SLC23A2: variants seen among roughly 807,000 people sequenced by gnomAD.
SLC23A2 encodes the protein Na(+)/L-ascorbic acid transporter 2.
In SLC23A2, 36 loss-of-function variants were observed where a neutral mutation model predicts 73.3. That is an observed-to-expected ratio of 0.49 (90% CI 0.38 to 0.65). The LOEUF (loss-of-function observed/expected upper bound fraction) is 0.65, where lower values mean the gene tolerates loss of function less well. SLC23A2 is among the 30% of genes least tolerant of loss of function. The pLI is 0.00. For synonymous variants in SLC23A2, 343 were observed against 327.3 expected, an observed-to-expected ratio of 1.05 and a Z score of -0.52; for missense variants, 507 against 841.6, an observed-to-expected ratio of 0.60 and a Z score of 4.92.
At chr20:4,941,372 T>A (rs1476828878) in intron 2 of SLC23A2, among the ~76,000 whole-genome samples, 4 of 151,996 alleles carry the variant, frequency 2.6e-5, no homozygotes, top group Non-Finnish European at 5.9e-5. Flanking sequence ...CTACAAAAAA[T>A]GAAATTTTTT....
At chr20:4,875,593 T>C (rs774607778) in intron 9 of SLC23A2, among the ~76,000 whole-genome samples, 14 of 152,090 alleles carry the variant, frequency 9.2e-5, no homozygotes, top group Non-Finnish European at 1.5e-4. Flanking sequence ...CTGCACTAAG[T>C]GCTATGGGAG....
intron 7 of SLC23A2, 21 bp downstream of exon 7, chr20:4,885,800 T>C (rs769602292): frequency 6.5e-7 from 1 of 1,538,014 alleles, no homozygotes; most frequent in East Asian, 2.2e-5. Context: ...CAATGACATA[T>C]GTGGAAATAA....
intron 6 of SLC23A2, among the ~76,000 whole-genome samples, chr20:4,891,750 G>A (rs1020584110): frequency 3.3e-5 from 5 of 152,166 alleles, no homozygotes; most frequent in South Asian, 2.1e-4. Flanking sequence ...CCTGATGCTC[G>A]CTAACAATCT....
chr20:4,896,355 C>T (rs1931521599), intron 6 of SLC23A2, among the ~76,000 whole-genome samples: 1 of 152,168 alleles, frequency 6.6e-6, no homozygotes, highest in African/African-American at 2.4e-5. Flanking sequence ...GCTCACTGCC[C>T]ACCTGCTGGT....
chr20:4,876,513 A>G (rs1396393219), intron 9 of SLC23A2, among the ~76,000 whole-genome samples: 1 of 152,236 alleles, frequency 6.6e-6, no homozygotes, highest in Admixed American at 6.5e-5. Context: ...GCAGCAGCTT[A>G]GAGGTGCAGA....
intron 2 of SLC23A2, among the ~76,000 whole-genome samples, chr20:4,960,596 C>T (rs1248261311): frequency 6.6e-6 from 1 of 152,220 alleles, no homozygotes; most frequent in Non-Finnish European, 1.5e-5. Flanking sequence ...GGTTGTAGCG[C>T]ACGCGCACAC....
rs1287332020 is a variant in SLC23A2, at chr20:4,885,816, A to G, written c.571+5T>C. The G allele has an allele frequency of 1.2e-6, 2 of 1,601,018 alleles. No homozygotes were observed. Among genetic ancestry groups the G allele is most frequent in the South Asian group, 1.1e-5 (1 of 90,800 alleles). On this transcript the variant is annotated splice_donor_5th_base_variant and intron_variant, in intron 7 of 16. Transcript: ENST00000338244. ...AATGACATATGTGGAAATAACTGCA[A>G]TTACCTGTGGTGTTACATTTCCATT...
intron 1 of SLC23A2, among the ~76,000 whole-genome samples, chr20:4,979,017 C>T (rs1356328973): frequency 1.3e-5 from 2 of 152,072 alleles, no homozygotes; most frequent in South Asian, 2.1e-4. Flanking sequence ...CGGTGGCTCA[C>T]GTCTGTAAGG....
At chr20:5,003,303 G>T (rs533389681), upstream of SLC23A2, among the ~76,000 whole-genome samples, 3 of 152,104 alleles carry the variant, frequency 2.0e-5, no homozygotes, top group Non-Finnish European at 4.4e-5. Flanking sequence ...AGAATGGCGT[G>T]AACCCGGGAG....
chr20:4,951,539 A>C (rs955518907), intron 2 of SLC23A2, among the ~76,000 whole-genome samples: 15 of 152,304 alleles, frequency 9.8e-5, no homozygotes, highest in African/African-American at 3.6e-4. Flanking sequence ...GAAGCCAGCT[A>C]TGCTGTATGA....
chr20:4,899,354 G>A lies in SLC23A2; in HGVS notation c.482+201C>T, dbSNP rs1056718811. ...TTCCAGCTTGGACAACTGGGTAGGG[G>A]AAGGTGGCGGTGGTGCCATTCACCA... On this transcript the variant is annotated intron_variant, in intron 6 of 16. Coordinates refer to ENST00000338244, the MANE Select transcript of SLC23A2 (RefSeq NM_005116.6). This position sits in a 1 kb window ranked among gnomAD's most constrained non-coding sequence, Gnocchi z 4.9. Among the ~76,000 whole-genome samples, 2 of 152,146 alleles carry A rather than the reference G, an allele frequency of 1.3e-5. No homozygotes were observed. Among genetic ancestry groups the A allele is most frequent in the Non-Finnish European group, 2.9e-5 (2 of 68,016 alleles).
At chr20:4,992,400 C>G (rs938831337) in intron 1 of SLC23A2, among the ~76,000 whole-genome samples, 1 of 150,404 alleles carries the variant, frequency 6.6e-6, no homozygotes, top group African/African-American at 2.5e-5. Context: ...AAATATCAGA[C>G]TAATTATAGC....
chr20:4,950,323 A>ATGTC (rs2087180600), intron 2 of SLC23A2, among the ~76,000 whole-genome samples: 1 of 152,198 alleles, frequency 6.6e-6, no homozygotes, highest in Non-Finnish European at 1.5e-5. Flanking sequence ...GTAAGTTTCC[A>ATGTC]TTTCCCCAAT....
intron 1 of SLC23A2, among the ~76,000 whole-genome samples, chr20:4,989,198 C>T (rs905253756): frequency 1.3e-5 from 2 of 148,504 alleles, no homozygotes; most frequent in African/African-American, 5.0e-5. Context: ...GAGATCGCTG[C>T]TGCACTCCAG....
rs182943267 is a variant in SLC23A2, at chr20:4,972,295, C to T, written c.-281-1376G>A. 3.7e-4 allele frequency among the ~76,000 whole-genome samples: 56 copies of T among 151,912 alleles called. No homozygotes were observed. In the South Asian group the frequency reaches 0.011, roughly 29 times the overall value. On this transcript the variant is annotated intron_variant, in intron 1 of 16. Transcript: ENST00000338244. ...TCGCCAACGGCCCCAAGTTAAATAG[C>T]ACACAAATGCCATCAGACTGGTACC...
intron 1 of SLC23A2, among the ~76,000 whole-genome samples, chr20:4,995,587 C>A (rs774699915): frequency 1.3e-5 from 2 of 152,268 alleles, no homozygotes; most frequent in East Asian, 3.9e-4. Context: ...ACTGATCCCT[C>A]GATCTGGAAT....
intron 4 of SLC23A2, among the ~76,000 whole-genome samples, chr20:4,910,353 G>C (rs1932096260): frequency 6.6e-6 from 1 of 151,086 alleles, no homozygotes; most frequent in African/African-American, 2.4e-5. Flanking sequence ...CTTCAGCCTG[G>C]GTGACAGAGT....
At chr20:4,896,745 C>T (rs919119103) in intron 6 of SLC23A2, among the ~76,000 whole-genome samples, 4 of 152,190 alleles carry the variant, frequency 2.6e-5, no homozygotes, top group African/African-American at 9.7e-5. Context: ...GGATGGTCCT[C>T]ACCCCCTATA....
chr20:4,984,125 T>C (rs187514681), intron 1 of SLC23A2, among the ~76,000 whole-genome samples: 3 of 152,164 alleles, frequency 2.0e-5, no homozygotes, highest in African/African-American at 7.2e-5. Flanking sequence ...CAAAGAAAGC[T>C]GGATGACCCA....
Sources: allele counts gnomAD v4.1 joint callset (sites outside exome capture counted in the v4.1 genomes callset), GRCh38; gene constraint gnomAD v4.1.1; non-coding constraint Gnocchi (gnomAD v3.1); transcripts MANE v1.5; gene names NCBI Gene and HGNC (gene_info 2026-07-23, HGNC 2026-07-21).